NCALD: variants seen among roughly 807,000 people sequenced by gnomAD.
The protein encoded by NCALD is neurocalcin delta.
A neutral mutation model predicts 18.6 loss-of-function variants in NCALD; 10 were observed. The ratio of observed to expected loss-of-function variants is 0.54; its 90% CI spans 0.33 to 0.91. The LOEUF (loss-of-function observed/expected upper bound fraction) is 0.91, where lower values mean the gene tolerates loss of function less well. Ranked by LOEUF, NCALD falls within the 40% of genes least tolerant of loss-of-function variation. NCALD has a pLI of 0.03. For missense variants in NCALD, 184 were observed against 247.6 expected (o/e 0.74, Z 1.72); for synonymous variants, 88 against 87.4 (o/e 1.01, Z -0.04).
At position 101,894,848 on chromosome 8, in the gene NCALD, A is replaced by C. The variant is rs919213627; in HGVS notation, c.-106-7621T>G. ...AATCTCTGAATAGACCAATAACAGGATCTGAAATTGTGGCAATAATCAATA... is the reference window on the plus strand; with the variant it reads ...AATCTCTGAATAGACCAATAACAGGCTCTGAAATTGTGGCAATAATCAATA... On this transcript the variant is annotated intron_variant, in intron 3 of 6. Transcript: ENST00000311028. Among the ~76,000 whole-genome samples the C allele has an allele frequency of 4.7e-5, 7 of 149,772 alleles. No individual in the cohort carries two copies. The South Asian group carries it at 6.3e-4, about 13-fold the overall frequency.
At chr8:101,829,830 T>A (rs1402958199) in intron 4 of NCALD, among the ~76,000 whole-genome samples, 1 of 152,190 alleles carries the variant, frequency 6.6e-6, no homozygotes, top group African/African-American at 2.4e-5. Context: ...CTTCAGACAT[T>A]CAGCAATATT....
Position 101,689,213 on chromosome 8 carries a change from A to G in NCALD, c.*96T>C, listed in dbSNP as rs1005099789. The G allele has an allele frequency of 7.8e-6, 9 of 1,147,156 alleles. No individual in the cohort carries two copies. The Admixed American group carries it at 8.5e-5, about 11-fold the overall frequency. 71.1% of individuals were successfully genotyped at this position (1,147,156 alleles called of 1,614,324 possible). A position where few individuals can be genotyped will look rare whatever the true frequency, so the allele number is the denominator to read the frequency against. Reference sequence around the variant, plus strand: ...AGACCGCACAGGGGACGGCATCACCATTGATATTGTTTGGCAAAAAAAAAA... The same window carrying G: ...AGACCGCACAGGGGACGGCATCACCGTTGATATTGTTTGGCAAAAAAAAAA... On this transcript the variant is annotated 3_prime_UTR_variant, in exon 4 of 4. Transcript: ENST00000220931. The surrounding 1 kb of genome is among the most constrained non-coding windows in gnomAD (Gnocchi z 4.4).
intron 4 of NCALD, among the ~76,000 whole-genome samples, chr8:101,868,343 C>G (rs1422860895): frequency 6.6e-6 from 1 of 152,110 alleles, no homozygotes; most frequent in Non-Finnish European, 1.5e-5. Context: ...ACCAGGGATC[C>G]CGGAATTCCC....
At chr8:101,991,631 A>C (rs558784676) in intron 2 of NCALD, among the ~76,000 whole-genome samples, 44 of 152,286 alleles carry the variant, frequency 2.9e-4, no homozygotes, top group African/African-American at 1.0e-3. Context: ...TGGTGCCAAT[A>C]GAGGAAGGCA....
At chr8:101,735,640 A>C (rs954903423) in intron 1 of NCALD, among the ~76,000 whole-genome samples, 5 of 152,252 alleles carry the variant, frequency 3.3e-5, no homozygotes, top group Non-Finnish European at 7.3e-5. Context: ...ATCTGAAGTT[A>C]AAATTTAACT....
chr8:101,903,891 G>A (rs1817522515), intron 3 of NCALD, among the ~76,000 whole-genome samples: 2 of 152,142 alleles, frequency 1.3e-5, no homozygotes, highest in South Asian at 4.1e-4. Flanking sequence ...TGAGTCCCTG[G>A]TATGCTGGGT....
At chr8:102,061,740 C>T (rs1387365694) in intron 1 of NCALD, among the ~76,000 whole-genome samples, 5 of 152,138 alleles carry the variant, frequency 3.3e-5, no homozygotes, top group Admixed American at 6.5e-5. Context: ...CCAGCCCAGC[C>T]GCCACAGACC....
chr8:101,871,710 T>C (rs2089969081), intron 4 of NCALD: 1 of 173,778 alleles, frequency 5.8e-6, no homozygotes, highest in African/African-American at 2.4e-5. Context: ...AATGTAAAGA[T>C]TTGAAACATA....
intron 2 of NCALD, among the ~76,000 whole-genome samples, chr8:102,009,826 G>C (rs1365295058): frequency 1.3e-5 from 2 of 152,142 alleles, no homozygotes; most frequent in Non-Finnish European, 2.9e-5. Context: ...TTTCATGTCT[G>C]GGATACAGCT....
chr8:101,998,905 G>T (rs1046201309), intron 2 of NCALD, among the ~76,000 whole-genome samples: 2 of 152,050 alleles, frequency 1.3e-5, no homozygotes, highest in African/African-American at 4.8e-5. Flanking sequence ...TGAAAAATAT[G>T]CATGAGTAAA....
intron 4 of NCALD, among the ~76,000 whole-genome samples, chr8:101,813,638 T>C (rs961768625): frequency 2.6e-5 from 4 of 152,192 alleles, no homozygotes; most frequent in African/African-American, 9.6e-5. Flanking sequence ...CAAAAACCAC[T>C]ATGTAAATGC....
At chr8:101,753,714 C>T (rs746304344) in intron 1 of NCALD, among the ~76,000 whole-genome samples, 31 of 152,072 alleles carry the variant, frequency 2.0e-4, no homozygotes, top group Non-Finnish European at 3.5e-4. Context: ...TCTCTTTCTG[C>T]GTCTAGTGCG....
intron 1 of NCALD, among the ~76,000 whole-genome samples, chr8:102,096,795 C>T (rs1226679164): frequency 6.6e-6 from 1 of 152,228 alleles, no homozygotes. Flanking sequence ...CACTCCCACC[C>T]TGTAGAGTGT....
At chr8:101,841,964 C>T (rs1388008933) in intron 4 of NCALD, among the ~76,000 whole-genome samples, 1 of 152,088 alleles carries the variant, frequency 6.6e-6, no homozygotes, top group East Asian at 1.9e-4. Flanking sequence ...CAGCAGGGCT[C>T]CCATAACAAA....
chr8:101,882,786 C>G (rs1240707647), intron 4 of NCALD, among the ~76,000 whole-genome samples: 1 of 152,214 alleles, frequency 6.6e-6, no homozygotes, highest in Non-Finnish European at 1.5e-5. Context: ...GTAATACTCT[C>G]TATGTAGCTA....
intron 2 of NCALD, among the ~76,000 whole-genome samples, chr8:102,019,133 T>C (rs1395152725): frequency 6.6e-6 from 1 of 152,056 alleles, no homozygotes. Context: ...CAAAATAAGA[T>C]ACCCAAATGG....
intron 1 of NCALD, among the ~76,000 whole-genome samples, chr8:102,060,730 G>A (rs1197274190): frequency 5.3e-5 from 8 of 151,978 alleles, no homozygotes; most frequent in Admixed American, 2.0e-4. Flanking sequence ...CATTACAATC[G>A]GTCATCTGTG....
At chr8:101,809,941 C>A (rs1180175575) in intron 4 of NCALD, among the ~76,000 whole-genome samples, 1 of 152,174 alleles carries the variant, frequency 6.6e-6, no homozygotes, top group African/African-American at 2.4e-5. Flanking sequence ...TTTTATGAAT[C>A]ATCACAAATT....
At chr8:102,044,287 T>C (rs1586971376) in intron 1 of NCALD, among the ~76,000 whole-genome samples, 1 of 151,952 alleles carries the variant, frequency 6.6e-6, no homozygotes, top group South Asian at 2.1e-4. Flanking sequence ...CAAATAAAAA[T>C]AGTTAATCCT....
Sources: allele counts gnomAD v4.1 joint callset (sites outside exome capture counted in the v4.1 genomes callset), GRCh38; gene constraint gnomAD v4.1.1; non-coding constraint Gnocchi (gnomAD v3.1); transcripts MANE v1.5; gene names NCBI Gene and HGNC (gene_info 2026-07-23, HGNC 2026-07-21).